Variants in PTPRF observed in about 807,000 individuals in gnomAD.
PTPRF encodes protein tyrosine phosphatase receptor type F, also known as receptor-type tyrosine-protein phosphatase F.
PTPRF carries 59 observed loss-of-function variants against 201.8 expected under a neutral mutation model. That is an observed-to-expected ratio of 0.29 (90% CI 0.24 to 0.36). The LOEUF is 0.36. Ranked by LOEUF, PTPRF falls within the 10% of genes least tolerant of loss-of-function variation. The pLI, the probability that PTPRF is intolerant of heterozygous loss-of-function variation, is 1.00. For missense variants in PTPRF, 2,132 were observed against 2,690.5 expected (o/e 0.79, Z 4.59); for synonymous variants, 1,088 against 1,089.7 (o/e 1.00, Z 0.03).
Position 43,621,127 on chromosome 1 carries a change from C to T in PTPRF, c.5550C>T (p.Ile1850=), listed in dbSNP as rs1659111260. The change falls in exon 33 of 34, where the codon ATC becomes ATT. Residue 1850 remains isoleucine (I), a synonymous_variant. Coordinates refer to ENST00000359947, the MANE Select transcript of PTPRF (RefSeq NM_002840.5). The stretch of plus-strand genomic sequence containing the variant: ...GCGTGGGCCGCACCGGGGTGTTCAT[C>T]ACTCTGAGCATCGTCCTGGAGCGCA... ...SAGVGRTGVF[I]TLSIVLERMR... 1.2e-6 allele frequency: 2 copies of T among 1,614,164 alleles called. No homozygotes were observed. Among genetic ancestry groups the T allele is most frequent in the African/African-American group, 2.7e-5 (2 of 75,078 alleles).
At chr1:43,605,119 G>A in intron 17 of PTPRF, 71 bp from the exon 18 acceptor site, 2 of 1,576,714 alleles carry the variant, frequency 1.3e-6, no homozygotes, top group Non-Finnish European at 1.7e-6. Flanking sequence ...GTGTATCCGT[G>A]CACTGTGCCT....
At position 43,572,868 on chromosome 1, in the gene PTPRF, C is replaced by T. The variant is rs531660658; in HGVS notation, c.568+3090C>T. On this transcript the variant is annotated intron_variant, in intron 6 of 33. Coordinates refer to ENST00000359947, the MANE Select transcript of PTPRF (RefSeq NM_002840.5). ...CTCCCCTGTGAGATCACCTCAGGAC[C>T]TAGTATCACAATAGCAAACCTGGGG... Among the ~76,000 whole-genome samples the T allele has an allele frequency of 4.7e-4, 72 of 152,180 alleles. No homozygotes were observed. In the South Asian group the frequency reaches 0.015, roughly 31 times the overall value.
intron 12 of PTPRF, 59 bp downstream of exon 12, chr1:43,598,112 G>C (rs1390493675): frequency 1.4e-6 from 2 of 1,411,060 alleles, no homozygotes; most frequent in Non-Finnish European, 1.9e-6. Flanking sequence ...CACCCACCAA[G>C]CTCCCCAGGG....
At chr1:43,562,239 G>C (rs1645856073) in intron 5 of PTPRF, among the ~76,000 whole-genome samples, 3 of 152,102 alleles carry the variant, frequency 2.0e-5, no homozygotes, top group Admixed American at 2.0e-4. Flanking sequence ...CTTCCGAGCA[G>C]CTGGGACTAC....
intron 6 of PTPRF, among the ~76,000 whole-genome samples, chr1:43,577,932 G>A (rs1263035033): frequency 6.6e-6 from 1 of 152,182 alleles, no homozygotes; most frequent in East Asian, 1.9e-4. Context: ...AGTGTTTATT[G>A]GTGGGGCCAG....
intron 6 of PTPRF, among the ~76,000 whole-genome samples, chr1:43,578,155 T>C (rs1647055004): frequency 6.6e-6 from 1 of 152,206 alleles, no homozygotes; most frequent in Non-Finnish European, 1.5e-5. Context: ...CAACCTCCAT[T>C]AGCCTCTTGA....
intron 1 of PTPRF, among the ~76,000 whole-genome samples, 173 bp downstream of exon 1, chr1:43,531,263 C>A (rs900883837): frequency 5.4e-5 from 8 of 149,308 alleles, no homozygotes; most frequent in Non-Finnish European, 1.2e-4. Flanking sequence ...TCGGCGAAGC[C>A]CCCCCTCCAC....
At chr1:43,579,355 A>G in intron 7 of PTPRF, 5 of 394,750 alleles carry the variant, frequency 1.3e-5, no homozygotes, top group South Asian at 9.4e-5. Flanking sequence ...TGGGCTCCAG[A>G]ACCACCATGG....
Position 43,546,206 on chromosome 1 carries a change from A to G in PTPRF, c.91+1040A>G, listed in dbSNP as rs553312810. Among the ~76,000 whole-genome samples, 26 of 152,242 alleles carry G rather than the reference A, an allele frequency of 1.7e-4. No homozygotes were observed. The highest frequency in any genetic ancestry group is 6.0e-4 in the African/African-American group (25 of 41,542). On this transcript the variant is annotated intron_variant, in intron 3 of 33. Transcript: ENST00000359947. This position sits in a 1 kb window ranked among gnomAD's most constrained non-coding sequence, Gnocchi z 4.2. ...TCTCCTAATGGCTCATTAATTATTC[A>G]GGAACTGATTCTGGAGTGGGGTGGG...
rs1356278983 is a variant in PTPRF at position 43,597,801 on chromosome 1, G to A, written c.1867G>A (p.Val623Ile). The change falls in exon 12 of 34, where the codon GTC becomes ATC. Residue 623 changes from valine to isoleucine, a missense_variant. Transcript: ENST00000359947. ...VMCVSMGSTT[V>I]RVSWVPPPAD... Reference sequence around the variant, plus strand: ...GTGTGTGAGCATGGGCTCCACCACGGTCCGGGTAAGTTGGGTCCCGCCGCC... The same window carrying A: ...GTGTGTGAGCATGGGCTCCACCACGATCCGGGTAAGTTGGGTCCCGCCGCC... The A allele has an allele frequency of 6.2e-7, 1 of 1,608,078 alleles. No homozygotes were observed. The highest frequency in any genetic ancestry group is 1.1e-5 in the South Asian group (1 of 89,620).
chr1:43,614,666 C>A (rs1032149232), intron 23 of PTPRF, among the ~76,000 whole-genome samples: 1 of 152,146 alleles, frequency 6.6e-6, no homozygotes, highest in African/African-American at 2.4e-5. Context: ...GCCTGGCCAC[C>A]GTGGCGAAAC....
rs1372400634 is a variant in PTPRF at position 43,603,901 on chromosome 1, G to A, written c.2749G>A (p.Gly917Ser). ...CAGGACCCCCGAGGACCTGCCCAGCGGCTTCCCCCAAAACCTGCATGTGAC... is the reference window on the plus strand; with the variant it reads ...CAGGACCCCCGAGGACCTGCCCAGCAGCTTCCCCCAAAACCTGCATGTGAC... ...EIRTPEDLPS[G>S]FPQNLHVTGL... The change falls in exon 16 of 34, where the codon GGC becomes AGC. Residue 917 changes from glycine (G) to serine (S), a missense_variant. Coordinates refer to ENST00000359947, the MANE Select transcript of PTPRF (RefSeq NM_002840.5). The surrounding 1 kb of genome is among the most constrained non-coding windows in gnomAD (Gnocchi z 5.8). 6.2e-6 allele frequency: 10 copies of A among 1,613,958 alleles called. No homozygotes were observed. The highest frequency in any genetic ancestry group is 2.7e-5 in the African/African-American group (2 of 74,932).
At chr1:43,605,875 G>A (rs11210886) in intron 19 of PTPRF, among the ~76,000 whole-genome samples, 17,465 of 152,276 alleles carry the variant, frequency 0.11, 1,269 homozygotes, top group African/African-American at 0.21. Flanking sequence ...CAGGTCTAGA[G>A]AATGCCAAGC....
At chr1:43,613,076 G>A (rs994338436) in intron 22 of PTPRF, 9 of 353,030 alleles carry the variant, frequency 2.5e-5, no homozygotes, top group Middle Eastern at 8.2e-4. Flanking sequence ...TTCCTTCTGC[G>A]TGCCTCTACC....
chr1:43,524,461 A>C (rs769154729), upstream of PTPRF, among the ~76,000 whole-genome samples: 8 of 152,144 alleles, frequency 5.3e-5, no homozygotes, highest in Non-Finnish European at 8.8e-5. Flanking sequence ...GGAGCTCGAG[A>C]CCAGCCTGGG....
At chr1:43,612,850 T>A in intron 22 of PTPRF, 1 of 1,313,544 alleles carries the variant, frequency 7.6e-7, no homozygotes. Flanking sequence ...CTTCTGTGTC[T>A]GTTTCCACTC....
At position 43,617,865 on chromosome 1, in the gene PTPRF, G is replaced by A. The variant is rs367870850; in HGVS notation, c.4325G>A (p.Arg1442His). ...GDFWRMVWEQRTATVVMMTRL... is the reference protein window; with the variant it reads ...GDFWRMVWEQHTATVVMMTRL... ...TTCTGGAGGATGGTGTGGGAACAGC[G>A]CACGGCCACTGTGGTCATGATGACA... Residue 1442 changes from arginine to histidine, a missense_variant, in exon 25 of 34, where the codon CGC (arginine) becomes CAC (histidine). This residue lies in a region of PTPRF where 519 missense variants were observed against 659.5 expected (regional missense o/e 0.79). Coordinates refer to ENST00000359947, the MANE Select transcript of PTPRF (RefSeq NM_002840.5). 1.9e-5 allele frequency: 30 copies of A among 1,613,748 alleles called. No homozygotes were observed. The highest frequency in any genetic ancestry group is 2.3e-5 in the Non-Finnish European group (27 of 1,179,798).
chr1:43,610,669 C>A (rs1230096079), intron 22 of PTPRF, among the ~76,000 whole-genome samples: 2 of 152,180 alleles, frequency 1.3e-5, no homozygotes, highest in Admixed American at 1.3e-4. Flanking sequence ...CACCTGAGGT[C>A]AGGAGTTCGA....
chr1:43,584,806 C>T (rs1380553943), intron 7 of PTPRF, among the ~76,000 whole-genome samples: 1 of 152,150 alleles, frequency 6.6e-6, no homozygotes, highest in East Asian at 1.9e-4. Context: ...GGATCCTGCC[C>T]CTCATCCCCT....
Sources: allele counts gnomAD v4.1 joint callset (sites outside exome capture counted in the v4.1 genomes callset), GRCh38; gene constraint gnomAD v4.1.1; regional missense constraint gnomAD v4.1.1; non-coding constraint Gnocchi (gnomAD v3.1); transcripts MANE v1.5; gene names NCBI Gene and HGNC (gene_info 2026-07-23, HGNC 2026-07-21).